Variants in SCLT1 observed in about 807,000 individuals in gnomAD.
SCLT1 encodes sodium channel and clathrin linker 1.
In SCLT1, 78 loss-of-function variants were observed where a neutral mutation model predicts 112.8. The ratio of observed to expected loss-of-function variants is 0.69; its 90% CI spans 0.58 to 0.83. The LOEUF is 0.83. SCLT1 is among the 40% of genes least tolerant of loss of function. SCLT1 has a pLI of 0.00. For synonymous variants in SCLT1, 257 were observed against 254.7 expected, an observed-to-expected ratio of 1.01 and a Z score of -0.09; for missense variants, 747 against 770.4, an observed-to-expected ratio of 0.97 and a Z score of 0.36.
At chr4:129,086,586 A>G (rs1199887307) in intron 1 of SCLT1, among the ~76,000 whole-genome samples, 1 of 152,106 alleles carries the variant, frequency 6.6e-6, no homozygotes, top group Non-Finnish European at 1.5e-5. Flanking sequence ...ATAGGTACTA[A>G]ACAGCATTTG....
chr4:129,055,809 C>G (rs575984498), intron 2 of SCLT1, among the ~76,000 whole-genome samples: 1 of 149,962 alleles, frequency 6.7e-6, no homozygotes, highest in African/African-American at 2.4e-5. Flanking sequence ...GTTCCAGGCG[C>G]CACTGGCATA....
intron 2 of SCLT1, among the ~76,000 whole-genome samples, chr4:129,076,597 T>C (rs1751482542): frequency 6.6e-6 from 1 of 151,928 alleles, no homozygotes; most frequent in Admixed American, 6.6e-5. Context: ...GCACTAACCT[T>C]AGCTCCCTCA....
chr4:128,975,039 A>ATTTTTTTTTTTTTTT (rs1579564140), intron 9 of SCLT1, among the ~76,000 whole-genome samples: 2 of 60,140 alleles, frequency 3.3e-5, no homozygotes, highest in Non-Finnish European at 5.7e-5. Flanking sequence ...TTGAATGACA[A>ATTTTTTTTTTTTTTT]CTTTTTTTTT....
chr4:128,929,017 T>G (rs971414874), intron 18 of SCLT1, among the ~76,000 whole-genome samples: 1 of 152,180 alleles, frequency 6.6e-6, no homozygotes, highest in African/African-American at 2.4e-5. Context: ...CCCTACTCTG[T>G]GCATTGCATT....
intron 16 of SCLT1, among the ~76,000 whole-genome samples, 186 bp downstream of exon 16, chr4:128,945,821 T>C (rs934418567): frequency 1.1e-4 from 16 of 152,158 alleles, no homozygotes; most frequent in African/African-American, 3.1e-4. Flanking sequence ...TACTGTTAAA[T>C]CTTTTCTTCC....
chr4:128,876,407 A>C (rs1276316859), intron 4 of SCLT1: 1 of 152,180 alleles, frequency 6.6e-6, no homozygotes, highest in Admixed American at 6.5e-5. Context: ...AGCCAAAGGA[A>C]GGGCCTATCA....
At chr4:129,090,458 G>A (rs1413345599) in intron 1 of SCLT1, among the ~76,000 whole-genome samples, 2 of 152,128 alleles carry the variant, frequency 1.3e-5, no homozygotes, top group Non-Finnish European at 2.9e-5. Context: ...TTAACTGTAT[G>A]AACCATAGAT....
In SCLT1 at chr4:128,946,152, T is replaced by A. The variant is rs145872583; in HGVS notation, c.1294A>T (p.Ile432Phe). Residue 432 changes from isoleucine to phenylalanine, a missense_variant and splice_region_variant, in exon 16 of 21, where the codon ATT becomes TTT. Transcript: ENST00000281142. ...TCATTTCCTCTGCCTTCACGGTAAA[T>A]CTGCAGAAAAGGCTTATTAGGTATA... ...KKAVEEELEK[I>F]YREGRGNESD... is the part of the protein sequence containing the mutation. 1.2e-5 allele frequency: 20 copies of A among 1,600,008 alleles called. No individual in the cohort carries two copies. The highest frequency in any genetic ancestry group is 1.6e-5 in the Non-Finnish European group (19 of 1,168,428).
intron 5 of SCLT1, among the ~76,000 whole-genome samples, chr4:129,017,200 G>C (rs1006112563): frequency 6.6e-6 from 1 of 151,624 alleles, no homozygotes; most frequent in Non-Finnish European, 1.5e-5. Context: ...TTTGTGGGGG[G>C]GGAATTTGTA....
chr4:128,915,603 A>G (rs576997005), intron 18 of SCLT1, among the ~76,000 whole-genome samples: 2 of 152,322 alleles, frequency 1.3e-5, no homozygotes, highest in Admixed American at 1.3e-4. Context: ...TCATGTTTTA[A>G]AAGTTCAAAT....
chr4:128,886,416 T>C (rs1434563274), intron 20 of SCLT1, among the ~76,000 whole-genome samples: 1 of 152,228 alleles, frequency 6.6e-6, no homozygotes, highest in Admixed American at 6.5e-5. Context: ...AGTAGGATAT[T>C]ATTTCTAATA....
chr4:129,021,889 G>A (rs888173944), intron 5 of SCLT1, among the ~76,000 whole-genome samples: 1 of 152,200 alleles, frequency 6.6e-6, no homozygotes, highest in Non-Finnish European at 1.5e-5. Context: ...CCTCCCAACA[G>A]GGGCTGACAG....
At chr4:128,874,417 G>GT (rs554130623) in exon 5 of SCLT1, 347 of 152,218 alleles carry the variant, frequency 2.3e-3, no homozygotes, top group Non-Finnish European at 3.9e-3. Context: ...TGCCTTACCT[G>GT]TTTTTTCCCC....
chr4:128,917,310 A>T (rs557531019), intron 18 of SCLT1, among the ~76,000 whole-genome samples: 16 of 152,330 alleles, frequency 1.1e-4, no homozygotes, highest in Admixed American at 9.8e-4. Flanking sequence ...CACACAAAGT[A>T]ATATAGTTAA....
intron 2 of SCLT1, among the ~76,000 whole-genome samples, chr4:129,056,941 G>A (rs958084715): frequency 7.2e-5 from 11 of 152,160 alleles, no homozygotes; most frequent in African/African-American, 1.9e-4. Flanking sequence ...CAACTTTTAC[G>A]CTGTCAGAAT....
chr4:129,012,008 TG>T (rs1231869911), intron 5 of SCLT1, among the ~76,000 whole-genome samples: 2 of 151,900 alleles, frequency 1.3e-5, no homozygotes, highest in African/African-American at 2.4e-5. Context: ...ATCTTCTGGA[TG>T]TTTTTTTGTG....
At chr4:128,967,058 T>TC (rs1274229926) in intron 10 of SCLT1, among the ~76,000 whole-genome samples, 1 of 152,108 alleles carries the variant, frequency 6.6e-6, no homozygotes, top group Non-Finnish European at 1.5e-5. Flanking sequence ...CCCTTTAGCG[T>TC]CCATTTGTAC....
At chr4:129,079,367 G>A (rs1281255963) in intron 2 of SCLT1, among the ~76,000 whole-genome samples, 1 of 152,126 alleles carries the variant, frequency 6.6e-6, no homozygotes, top group Non-Finnish European at 1.5e-5. Flanking sequence ...ATACAATGAA[G>A]GTATAGAATT....
rs138933867 is a variant in SCLT1, at chr4:128,970,837, TAGATGG to T, written c.687-375_687-370del. 873 of 162,490 alleles carry T rather than the reference TAGATGG, an allele frequency of 5.4e-3. 6 individuals are homozygous for T. Among genetic ancestry groups the T allele is most frequent in the Middle Eastern group, 0.031 (10 of 326 alleles). 10.1% of individuals were successfully genotyped at this position (162,490 alleles called of 1,614,324 possible). On this transcript the variant is annotated intron_variant, in intron 9 of 20. Coordinates refer to ENST00000281142, the MANE Select transcript of SCLT1 (RefSeq NM_144643.4). Reference sequence around the variant, plus strand: ...TATACTTATGTCTATAATATCTTTATAGATGGAGATGGAGATATACTGCTGATTGGA... The same window carrying T: ...TATACTTATGTCTATAATATCTTTATAGATGGAGATATACTGCTGATTGGA...
Sources: gnomAD v4.1 joint callset for allele counts (sites outside exome capture counted in the v4.1 genomes callset) on GRCh38, gnomAD v4.1.1 for gene constraint, MANE v1.5 for transcripts, NCBI Gene and HGNC (gene_info 2026-07-23, HGNC 2026-07-21) for gene names.